SEC11A: variants seen among roughly 807,000 people sequenced by gnomAD.
SEC11A encodes SEC11 homolog A, signal peptidase complex subunit, also known as signal peptidase complex catalytic subunit SEC11A.
In SEC11A, 14 loss-of-function variants were observed where a neutral mutation model predicts 25.6. That is an observed-to-expected ratio of 0.55 (90% confidence interval 0.36 to 0.85). The LOEUF (loss-of-function observed/expected upper bound fraction) is 0.85, where lower values mean the gene tolerates loss of function less well. Among genes scored for constraint, SEC11A ranks in the 40% least tolerant of loss-of-function variants. The pLI is 0.01. For synonymous variants in SEC11A, 83 were observed against 76.4 expected, an observed-to-expected ratio of 1.09 and a Z score of -0.45; for missense variants, 153 against 222.9, an observed-to-expected ratio of 0.69 and a Z score of 2.00.
chr15:84,697,049 G>A (rs200852942), intron 1 of SEC11A, among the ~76,000 whole-genome samples: 16 of 145,570 alleles, frequency 1.1e-4, no homozygotes, highest in Non-Finnish European at 1.3e-4. Flanking sequence ...TAAAAATTAA[G>A]AAAAAAAAAA....
chr15:84,687,589 G>T, intron 3 of SEC11A, 36 bp downstream of exon 3: 1 of 1,501,072 alleles, frequency 6.7e-7, no homozygotes, highest in Non-Finnish European at 8.8e-7. Flanking sequence ...TTAAACAAAA[G>T]CACTTAGAAA....
At chr15:84,705,879 T>C (rs1396185639) in intron 1 of SEC11A, among the ~76,000 whole-genome samples, 1 of 151,774 alleles carries the variant, frequency 6.6e-6, no homozygotes, top group Non-Finnish European at 1.5e-5. Context: ...TTCCCATCCT[T>C]ACAACTTTTA....
At chr15:84,693,578 C>T (rs1381299925) in intron 1 of SEC11A, among the ~76,000 whole-genome samples, 1 of 151,852 alleles carries the variant, frequency 6.6e-6, no homozygotes, top group Non-Finnish European at 1.5e-5. Context: ...GTGCCATAGC[C>T]TCCCAAGTAG....
At chr15:84,703,715 T>C (rs899660167) in intron 1 of SEC11A, among the ~76,000 whole-genome samples, 4 of 152,172 alleles carry the variant, frequency 2.6e-5, no homozygotes, top group African/African-American at 9.7e-5. Context: ...GACTAGCAGT[T>C]TGGCTGGATG....
chr15:84,672,707 G>C (rs979216105), intron 4 of SEC11A: 20 of 184,496 alleles, frequency 1.1e-4, no homozygotes, highest in African/African-American at 4.6e-4. Flanking sequence ...AGTGAGGAGC[G>C]TCTCTGCCTG....
intron 3 of SEC11A, among the ~76,000 whole-genome samples, chr15:84,683,963 CAA>C (rs1897348222): frequency 6.6e-6 from 1 of 152,054 alleles, no homozygotes; most frequent in Non-Finnish European, 1.5e-5. Flanking sequence ...CTAGGGAGAT[CAA>C]AGAGTTTAGA....
At chr15:84,710,957 C>T (rs1251642272) in intron 1 of SEC11A, among the ~76,000 whole-genome samples, 1 of 151,796 alleles carries the variant, frequency 6.6e-6, no homozygotes, top group Non-Finnish European at 1.5e-5. Flanking sequence ...ATAGTCCCAG[C>T]TACTTGGGAA....
chr15:84,670,768 A>G lies in SEC11A; in HGVS notation c.446T>C (p.Ile149Thr). ...ATTCATGAGGATCGTCACAATTCCAATATAAGGAACAAATCTAAAACAAAC... is the reference window on the plus strand; with the variant it reads ...ATTCATGAGGATCGTCACAATTCCAGTATAAGGAACAAATCTAAAACAAAC... ...VGRARGFVPY[I>T]GIVTILMNDY... The change falls in exon 5 of 6, where the codon ATT (isoleucine) becomes ACT (threonine). Residue 149 changes from isoleucine to threonine, a missense_variant. Coordinates refer to ENST00000268220, the MANE Select transcript of SEC11A (RefSeq NM_014300.4). The G allele has an allele frequency of 6.9e-7, 1 of 1,459,008 alleles. No homozygotes were observed. Among genetic ancestry groups the G allele is most frequent in the Non-Finnish European group, 9.4e-7 (1 of 1,065,368 alleles). The allele number at this position is 1,459,008 out of a possible 1,614,324, so 90.4% of individuals were successfully genotyped here.
chr15:84,679,186 A>C (rs1897220391), intron 4 of SEC11A: 1 of 816,988 alleles, frequency 1.2e-6, no homozygotes, highest in Admixed American at 2.8e-5. Context: ...ATTTGAGGAA[A>C]AACAAAGACT....
At chr15:84,695,378 G>A (rs1278837766) in intron 1 of SEC11A, among the ~76,000 whole-genome samples, 4 of 151,394 alleles carry the variant, frequency 2.6e-5, no homozygotes, top group Non-Finnish European at 5.9e-5. Flanking sequence ...TGGGAGAATC[G>A]CTTGAACCTG....
intron 1 of SEC11A, among the ~76,000 whole-genome samples, chr15:84,693,086 G>T (rs1368279866): frequency 6.6e-6 from 1 of 152,184 alleles, no homozygotes; most frequent in Non-Finnish European, 1.5e-5. Context: ...GCCTCCCAAA[G>T]GGCTGGGATT....
chr15:84,670,709 T>C lies in SEC11A; in HGVS notation c.489+16A>G. On this transcript the variant is annotated intron_variant, in intron 5 of 5. Transcript: ENST00000268220. ...AGATTACATTTTTTAATAAAACAAA[T>C]AATACAGACTCTTACCTTAAATTTA... 1.6e-6 allele frequency: 2 copies of C among 1,270,180 alleles called. No individual in the cohort carries two copies. Among genetic ancestry groups the C allele is most frequent in the Non-Finnish European group, 1.1e-6 (1 of 902,392 alleles). The allele number at this position is 1,270,180 out of a possible 1,614,324, so 78.7% of individuals were successfully genotyped here.
chr15:84,708,159 T>C (rs983257865), intron 1 of SEC11A, among the ~76,000 whole-genome samples: 8 of 127,880 alleles, frequency 6.3e-5, no homozygotes, highest in African/African-American at 2.4e-4. Flanking sequence ...TGCAGTGAGA[T>C]GGCACCACTG....
At chr15:84,700,593 C>CAAAAAAAAAAAAAAAA (rs776113920) in intron 1 of SEC11A, among the ~76,000 whole-genome samples, 7 of 36,094 alleles carry the variant, frequency 1.9e-4, no homozygotes, top group Admixed American at 5.7e-4. Flanking sequence ...GACTCTGTCT[C>CAAAAAAAAAAAAAAAA]AAAAAAAAAA....
chr15:84,714,020 T>TC (rs1898376434), intron 1 of SEC11A, among the ~76,000 whole-genome samples: 1 of 140,916 alleles, frequency 7.1e-6, no homozygotes, highest in Admixed American at 7.1e-5. Flanking sequence ...TATACCTTCT[T>TC]TTTTTTTTTT....
At chr15:84,679,527 T>A (rs1004686908) in intron 4 of SEC11A, among the ~76,000 whole-genome samples, 3 of 152,214 alleles carry the variant, frequency 2.0e-5, no homozygotes, top group Non-Finnish European at 4.4e-5. Context: ...ACCTGCTTAC[T>A]GGTGTAATAA....
chr15:84,701,913 A>G (rs950576619), intron 1 of SEC11A, among the ~76,000 whole-genome samples: 2 of 151,852 alleles, frequency 1.3e-5, no homozygotes, highest in African/African-American at 4.8e-5. Context: ...CTAAAAATAC[A>G]CAAATTAGCT....
intron 3 of SEC11A, among the ~76,000 whole-genome samples, chr15:84,684,176 A>G (rs17533573): frequency 0.062 from 9,498 of 152,316 alleles, 380 homozygotes; most frequent in African/African-American, 0.088. Flanking sequence ...AGTGTTCAGT[A>G]TCATCCAATT....
intron 2 of SEC11A, among the ~76,000 whole-genome samples, chr15:84,688,976 G>A (rs919160963): frequency 5.3e-5 from 8 of 151,330 alleles, no homozygotes; most frequent in Non-Finnish European, 1.2e-4. Flanking sequence ...GGTTGAATGG[G>A]CTGAGATTGC....
Sources: gnomAD v4.1 joint callset for allele counts (sites outside exome capture counted in the v4.1 genomes callset) on GRCh38, gnomAD v4.1.1 for gene constraint, MANE v1.5 for transcripts, NCBI Gene and HGNC (gene_info 2026-07-23, HGNC 2026-07-21) for gene names.